Variants in MSRA observed in about 807,000 individuals in gnomAD.
The protein encoded by MSRA is mitochondrial peptide methionine sulfoxide reductase.
Under a neutral mutation model 31.3 loss-of-function variants are expected in MSRA, and 54 were observed. The observed-to-expected ratio is 1.73, with a 90% CI of 1.39 to 2.17. MSRA has a LOEUF of 2.17. MSRA is among the 30% of genes most tolerant of loss of function. The probability of loss-of-function intolerance (pLI) is 0.00; values close to 1 mark genes in which losing one functional copy is unlikely to be tolerated. For missense variants in MSRA, 507 were observed against 300.9 expected, an observed-to-expected ratio of 1.69 and a Z score of -5.07; for synonymous variants, 169 against 116.5, an observed-to-expected ratio of 1.45 and a Z score of -2.90.
intron 1 of MSRA, among the ~76,000 whole-genome samples, chr8:10,205,442 G>A (rs568070168): frequency 6.6e-6 from 1 of 152,210 alleles, no homozygotes; most frequent in Admixed American, 6.5e-5. Flanking sequence ...CCCAAAGGTG[G>A]GGGATGCTGG....
chr8:10,167,640 A>G (rs1805256098), intron 1 of MSRA, among the ~76,000 whole-genome samples: 1 of 152,032 alleles, frequency 6.6e-6, no homozygotes, highest in Non-Finnish European at 1.5e-5. Context: ...GCAGGGGAGG[A>G]GCGTACTTAG....
At chr8:10,396,706 T>C (rs796803750) in intron 5 of MSRA, among the ~76,000 whole-genome samples, 1 of 152,242 alleles carries the variant, frequency 6.6e-6, no homozygotes, top group Non-Finnish European at 1.5e-5. Context: ...TAGAAATGTT[T>C]CCACTTCCTT....
chr8:10,346,714 G>A (rs1225939681), intron 5 of MSRA, among the ~76,000 whole-genome samples: 4 of 152,152 alleles, frequency 2.6e-5, no homozygotes, highest in African/African-American at 7.2e-5. Flanking sequence ...ATAGATTAGG[G>A]GTACCTATTT....
intron 3 of MSRA, among the ~76,000 whole-genome samples, chr8:10,269,554 T>C (rs1203572845): frequency 6.6e-6 from 1 of 152,144 alleles, no homozygotes; most frequent in African/African-American, 2.4e-5. Flanking sequence ...CAGGGCAGAG[T>C]GTCAAATGCG....
At chr8:10,308,781 C>T (rs1288968613) in intron 4 of MSRA, among the ~76,000 whole-genome samples, 3 of 152,228 alleles carry the variant, frequency 2.0e-5, no homozygotes, top group Non-Finnish European at 4.4e-5. Context: ...TACTGCTTAG[C>T]CTGTCCATAG....
At chr8:10,092,541 C>T in intron 1 of MSRA, among the ~76,000 whole-genome samples, 1 of 152,016 alleles carries the variant, frequency 6.6e-6, no homozygotes, top group South Asian at 2.1e-4. Context: ...GCCTTTAGTC[C>T]CAGCTACTTG....
At chr8:10,264,680 A>G (rs1478067902) in intron 3 of MSRA, among the ~76,000 whole-genome samples, 1 of 152,122 alleles carries the variant, frequency 6.6e-6, no homozygotes, top group Admixed American at 6.5e-5. Flanking sequence ...GAAAAGAGCA[A>G]ATGGCCTTCT....
chr8:10,062,218 C>G (rs1264289025), intron 1 of MSRA, among the ~76,000 whole-genome samples: 1 of 152,164 alleles, frequency 6.6e-6, no homozygotes, highest in Non-Finnish European at 1.5e-5. Flanking sequence ...GATGGCCAGG[C>G]TCCTTCCCAT....
At chr8:10,236,826 G>A (rs546153316) in intron 2 of MSRA, among the ~76,000 whole-genome samples, 46 of 152,322 alleles carry the variant, frequency 3.0e-4, no homozygotes, top group Middle Eastern at 3.4e-3. Flanking sequence ...GATTGCAGGC[G>A]TGAGCCACCA....
intron 5 of MSRA, among the ~76,000 whole-genome samples, chr8:10,368,909 T>G (rs371850653): frequency 3.3e-5 from 5 of 152,170 alleles, no homozygotes; most frequent in African/African-American, 1.2e-4. Context: ...CAAAGGCTTC[T>G]CCCCTACTGA....
At chr8:10,143,289 G>A (rs970607964) in intron 1 of MSRA, among the ~76,000 whole-genome samples, 4 of 152,120 alleles carry the variant, frequency 2.6e-5, no homozygotes, top group African/African-American at 9.7e-5. Context: ...AGAGAGGGAG[G>A]CTGATACCCG....
chr8:10,157,553 T>G (rs1362976772), intron 1 of MSRA, among the ~76,000 whole-genome samples: 4 of 152,012 alleles, frequency 2.6e-5, no homozygotes, highest in African/African-American at 7.3e-5. Flanking sequence ...GCTGGGTTAT[T>G]AGGGGTCTGT....
chr8:10,283,449 T>C (rs1052046340), intron 3 of MSRA, among the ~76,000 whole-genome samples: 3 of 152,140 alleles, frequency 2.0e-5, no homozygotes, highest in South Asian at 2.1e-4. Context: ...AAAAAATTTT[T>C]ATTTCCTTAA....
intron 1 of MSRA, among the ~76,000 whole-genome samples, chr8:10,129,436 G>C (rs1414906919): frequency 2.0e-5 from 3 of 152,158 alleles, no homozygotes; most frequent in South Asian, 4.1e-4. Context: ...AAAGTGATGA[G>C]GTGAAATAAT....
At chr8:10,247,214 C>T (rs1161997113) in intron 3 of MSRA, among the ~76,000 whole-genome samples, 26 of 152,280 alleles carry the variant, frequency 1.7e-4, no homozygotes, top group Admixed American at 1.7e-3. Context: ...CTAAGCAGTT[C>T]CATGAAGTAT....
intron 1 of MSRA, among the ~76,000 whole-genome samples, chr8:10,076,637 G>A (rs964937410): frequency 3.3e-5 from 5 of 152,074 alleles, no homozygotes; most frequent in African/African-American, 1.2e-4. Flanking sequence ...TTTCTTTGCG[G>A]GGCAGTGAGC....
chr8:10,141,110 G>A (rs761702055), intron 1 of MSRA, among the ~76,000 whole-genome samples: 5 of 152,152 alleles, frequency 3.3e-5, no homozygotes, highest in African/African-American at 4.8e-5. Flanking sequence ...CAAACCCTGC[G>A]CTCACCAAAG....
intron 3 of MSRA, among the ~76,000 whole-genome samples, chr8:10,260,010 C>G (rs557184336): frequency 9.2e-5 from 14 of 152,360 alleles, no homozygotes; most frequent in Middle Eastern, 3.4e-3. Flanking sequence ...GGACCTGCGT[C>G]ACTGAGAATG....
chr8:10,222,118 A>T (rs140259742), intron 2 of MSRA, among the ~76,000 whole-genome samples: 2 of 152,220 alleles, frequency 1.3e-5, no homozygotes, highest in Non-Finnish European at 2.9e-5. Flanking sequence ...GCTCTGTTGA[A>T]GATGGCATAT....
Sources: allele counts gnomAD v4.1 joint callset (sites outside exome capture counted in the v4.1 genomes callset), GRCh38; gene constraint gnomAD v4.1.1; transcripts MANE v1.5; gene names NCBI Gene and HGNC (gene_info 2026-07-23, HGNC 2026-07-21).